The following CNOT7 variants were observed in gnomAD, a reference collection of about 807,000 sequenced individuals.
CNOT7 encodes CCR4-NOT transcription complex subunit 7.
Under a neutral mutation model 37.1 loss-of-function variants are expected in CNOT7, and 4 were observed. The observed-to-expected ratio is 0.11, with a 90% CI of 0.05 to 0.25. The LOEUF (loss-of-function observed/expected upper bound fraction) is 0.25. Among genes scored for constraint, CNOT7 ranks in the 10% least tolerant of loss-of-function variants. The probability of loss-of-function intolerance (pLI) is 1.00; values close to 1 mark genes in which losing one functional copy is unlikely to be tolerated. For missense variants in CNOT7, 170 were observed against 336.2 expected (o/e 0.51, Z 3.87); for synonymous variants, 128 against 115.6 (o/e 1.11, Z -0.69).
intron 6 of CNOT7, chr8:17,231,729 TAA>T (rs1447468502): frequency 5.1e-6 from 5 of 985,330 alleles, no homozygotes; most frequent in Non-Finnish European, 6.0e-6. Flanking sequence ...GCACATCACT[TAA>T]TTACTTAGGA....
intron 2 of CNOT7, 46 bp from the exon 3 acceptor site, chr8:17,243,231 T>A: frequency 7.0e-7 from 1 of 1,434,374 alleles, no homozygotes; most frequent in Non-Finnish European, 9.5e-7. Context: ...CAGTCAAAAC[T>A]ACAATCCACA....
Position 17,245,018 on chromosome 8 carries a change from A to T in CNOT7, c.117+18T>A. The T allele has an allele frequency of 6.3e-7, 1 of 1,588,114 alleles. No individual in the cohort carries two copies. Among genetic ancestry groups the T allele is most frequent in the Non-Finnish European group, 8.6e-7 (1 of 1,160,110 alleles). ...CTCCTTTATATGAAGCGTTTTAAAG[A>T]TCTGCTTGTGGGCATACCATAGCAA... On this transcript the variant is annotated intron_variant, in intron 2 of 6. Coordinates refer to ENST00000361272, the MANE Select transcript of CNOT7 (RefSeq NM_013354.7).
intron 3 of CNOT7, 104 bp downstream of exon 3, chr8:17,242,888 T>C: frequency 1.4e-6 from 1 of 690,586 alleles, no homozygotes. Flanking sequence ...CCAGGATAAC[T>C]ACACCAAATT....
rs923693317 is a variant in CNOT7 at position 17,233,090 on chromosome 8, T to C, written c.619-553A>G. Among the ~76,000 whole-genome samples the C allele has an allele frequency of 1.3e-4, 19 of 151,970 alleles. No homozygotes were observed. The South Asian group carries it at 2.1e-3, about 17-fold the overall frequency. On this transcript the variant is annotated intron_variant, in intron 5 of 6. Transcript: ENST00000361272. ...AGAGTGGTCTGCTATAATCCACCTA[T>C]GTTAATACTCCTAAGATTAAAAAAG...
chr8:17,239,771 G>A (rs1377347929), intron 3 of CNOT7, among the ~76,000 whole-genome samples: 1 of 152,216 alleles, frequency 6.6e-6, no homozygotes, highest in Non-Finnish European at 1.5e-5. Context: ...GGGATTACAG[G>A]CGTGAGCCAC....
At chr8:17,236,422 C>T (rs1029587638) in intron 4 of CNOT7, among the ~76,000 whole-genome samples, 3 of 152,150 alleles carry the variant, frequency 2.0e-5, no homozygotes, top group Non-Finnish European at 4.4e-5. Flanking sequence ...CTTTTTCATA[C>T]CTGGAAGTCT....
intron 2 of CNOT7, among the ~76,000 whole-genome samples, chr8:17,243,859 T>C (rs1244198956): frequency 6.6e-6 from 1 of 152,202 alleles, no homozygotes; most frequent in Non-Finnish European, 1.5e-5. Flanking sequence ...TATCAAATAG[T>C]ATGTCATCTA....
At chr8:17,235,250 G>A (rs1398492892) in intron 4 of CNOT7, among the ~76,000 whole-genome samples, 1 of 152,148 alleles carries the variant, frequency 6.6e-6, no homozygotes, top group African/African-American at 2.4e-5. Flanking sequence ...TGGAAACTTG[G>A]CCAGAAGAGT....
At position 17,226,088 on chromosome 8, in the gene CNOT7, G is replaced by A. The variant is rs1173828784; in HGVS notation, c.*4632C>T. 8.2e-6 allele frequency: 1 copy of A among 122,054 alleles called. No individual in the cohort carries two copies. The highest frequency in any genetic ancestry group is 1.6e-5 in the Non-Finnish European group (1 of 62,222). The allele number at this position is 122,054 out of a possible 1,614,324, so 7.6% of individuals were successfully genotyped here. A position where few individuals can be genotyped will look rare whatever the true frequency, so the allele number is the denominator to read the frequency against. On this transcript the variant is annotated 3_prime_UTR_variant, in exon 7 of 7. Coordinates refer to ENST00000361272, the MANE Select transcript of CNOT7 (RefSeq NM_013354.7). ...GCAGGTAGCAAATATTAGAGGCTTT[G>A]CAAGCTAAGACAAAATGAAGGACAT...
At chr8:17,232,307 T>C in intron 6 of CNOT7, 120 bp downstream of exon 6, 4 of 1,560,770 alleles carry the variant, frequency 2.6e-6, no homozygotes. Flanking sequence ...GTGACTCATA[T>C]GGTATCTCTA....
chr8:17,233,948 G>A (rs996972689), intron 5 of CNOT7, among the ~76,000 whole-genome samples: 1 of 152,190 alleles, frequency 6.6e-6, no homozygotes, highest in Non-Finnish European at 1.5e-5. Flanking sequence ...CAGCTACACA[G>A]GAGGCTGAGG....
At position 17,229,627 on chromosome 8, in the gene CNOT7, G is replaced by T. The variant is rs1049703475; in HGVS notation, c.*1093C>A. 1 of 150,706 alleles carries T rather than the reference G, an allele frequency of 6.6e-6. No individual in the cohort carries two copies. The highest frequency in any genetic ancestry group is 2.4e-5 in the African/African-American group (1 of 40,878). The allele number at this position is 150,706 out of a possible 1,614,324, so 9.3% of individuals were successfully genotyped here. A position where few individuals can be genotyped will look rare whatever the true frequency, so the allele number is the denominator to read the frequency against. Reference sequence around the variant, plus strand: ...TTACACTCCTCAGGTAATTTTATCAGCTATATATATATATATGAGAATATA... The same window carrying T: ...TTACACTCCTCAGGTAATTTTATCATCTATATATATATATATGAGAATATA... On this transcript the variant is annotated 3_prime_UTR_variant, in exon 7 of 7. Transcript: ENST00000361272.
intron 2 of CNOT7, chr8:17,244,503 A>G (rs1488442661): frequency 6.6e-6 from 1 of 152,432 alleles, no homozygotes; most frequent in Non-Finnish European, 1.5e-5. Context: ...ACAATTTCAC[A>G]AAAGTTCAAC....
chr8:17,235,691 T>A (rs1032080669), intron 4 of CNOT7, among the ~76,000 whole-genome samples: 1 of 152,192 alleles, frequency 6.6e-6, no homozygotes, highest in Non-Finnish European at 1.5e-5. Flanking sequence ...CTATATGACA[T>A]TTGCTCACTA....
intron 2 of CNOT7, among the ~76,000 whole-genome samples, chr8:17,243,861 T>C (rs181832810): frequency 2.4e-4 from 37 of 152,312 alleles, no homozygotes; most frequent in Non-Finnish European, 8.8e-5. Flanking sequence ...TCAAATAGTA[T>C]GTCATCTACA....
rs1808523207 is a variant in CNOT7, at chr8:17,230,976, C to G, written c.730-128G>C. The G allele has an allele frequency of 2.2e-5, 14 of 623,098 alleles. 1 individual carries two copies. In the South Asian group the frequency reaches 3.6e-4, roughly 16 times the overall value. The allele number at this position is 623,098 out of a possible 1,614,324, so 38.6% of individuals were successfully genotyped here. A position where few individuals can be genotyped will look rare whatever the true frequency, so the allele number is the denominator to read the frequency against. On this transcript the variant is annotated intron_variant, in intron 6 of 6. Coordinates refer to ENST00000361272, the MANE Select transcript of CNOT7 (RefSeq NM_013354.7). ...AATGATGGCTCTTTTCTATGGTGTT[C>G]CTTTGAGGCTACGCATTTCAGTTCA...
chr8:17,231,842 A>G (rs1017042674), intron 6 of CNOT7: 1 of 985,784 alleles, frequency 1.0e-6, no homozygotes, highest in Non-Finnish European at 1.2e-6. Context: ...TTTTCCTAAT[A>G]TGGTTTCTGA....
At chr8:17,238,119 A>T (rs1374858493) in intron 3 of CNOT7, among the ~76,000 whole-genome samples, 1 of 152,266 alleles carries the variant, frequency 6.6e-6, no homozygotes, top group Non-Finnish European at 1.5e-5. Flanking sequence ...AAATATGTGT[A>T]TCTGAAATAT....
chr8:17,246,817 A>G lies in CNOT7; in HGVS notation c.-238T>C, dbSNP rs1430642863. ...TCGCCCAGCGAAGGGAAAGGCGAGC[A>G]GGAGCTGCGCCGCACCGTGCTGCGC... is the stretch of plus-strand genomic sequence containing the variant. On this transcript the variant is annotated 5_prime_UTR_variant, in exon 1 of 7. Coordinates refer to ENST00000361272, the MANE Select transcript of CNOT7 (RefSeq NM_013354.7). 4.7e-6 allele frequency: 1 copy of G among 212,698 alleles called. No individual in the cohort carries two copies. Among genetic ancestry groups the G allele is most frequent in the Admixed American group, 5.7e-5 (1 of 17,660 alleles). 13.2% of individuals were successfully genotyped at this position (212,698 alleles called of 1,614,324 possible).
Sources: gnomAD v4.1 joint callset for allele counts (sites outside exome capture counted in the v4.1 genomes callset) on GRCh38, gnomAD v4.1.1 for gene constraint, MANE v1.5 for transcripts, NCBI Gene and HGNC (gene_info 2026-07-23, HGNC 2026-07-21) for gene names.